FILIP1L: variants seen among roughly 807,000 people sequenced by gnomAD.
The protein encoded by FILIP1L is filamin A-interacting protein 1-like.
Under a neutral mutation model 96.6 loss-of-function variants are expected in FILIP1L, and 55 were observed. That is an observed-to-expected ratio of 0.57 (90% CI 0.46 to 0.71). The LOEUF is 0.71. Ranked by LOEUF, FILIP1L falls within the 30% of genes least tolerant of loss-of-function variation. The pLI is 0.00. For missense variants in FILIP1L, 1,304 were observed against 1,321.2 expected (o/e 0.99, Z 0.20); for synonymous variants, 467 against 473.9 (o/e 0.99, Z 0.19).
intron 1 of FILIP1L, among the ~76,000 whole-genome samples, chr3:100,052,314 C>T (rs868857584): frequency 3.3e-4 from 50 of 152,190 alleles, no homozygotes; most frequent in African/African-American, 1.1e-3. Flanking sequence ...GAGCAATAAC[C>T]TTCTTATTGA....
chr3:100,111,776 T>C (rs2066495339), intron 1 of FILIP1L, among the ~76,000 whole-genome samples: 1 of 152,218 alleles, frequency 6.6e-6, no homozygotes, highest in Admixed American at 6.5e-5. Context: ...TTGTCTAACA[T>C]CTATAGCTTG....
rs149723953 is a variant in FILIP1L at position 99,993,087 on chromosome 3, G to T, written c.-10-62057C>A. The stretch of plus-strand genomic sequence containing the variant: ...TATAGTCTTGTATAATTTGAGTAAG[G>T]TAATGTGATACCTCCAGCTTTGTTC... On this transcript the variant is annotated intron_variant, in intron 1 of 5. Transcript: ENST00000477258. Among the ~76,000 whole-genome samples the T allele has an allele frequency of 7.2e-3, 1,092 of 152,070 alleles. 4 individuals are homozygous for T. Among genetic ancestry groups the T allele is most frequent in the African/African-American group, 9.9e-3 (412 of 41,512 alleles).
intron 4 of FILIP1L, among the ~76,000 whole-genome samples, chr3:99,900,467 C>A (rs536980339): frequency 6.6e-6 from 1 of 152,278 alleles, no homozygotes; most frequent in East Asian, 1.9e-4. Flanking sequence ...TCATAAATAA[C>A]CAGATTTCAG....
chr3:100,060,161 C>A (rs1451265807), intron 1 of FILIP1L, among the ~76,000 whole-genome samples: 4 of 151,918 alleles, frequency 2.6e-5, no homozygotes, highest in Non-Finnish European at 5.9e-5. Context: ...GGCTACGGTG[C>A]CAGACTGAAG....
At chr3:99,872,299 G>A (rs930016426) in intron 4 of FILIP1L, among the ~76,000 whole-genome samples, 1 of 151,290 alleles carries the variant, frequency 6.6e-6, no homozygotes, top group Non-Finnish European at 1.5e-5. Flanking sequence ...GTGTGTGTGT[G>A]TGTGTGTGTG....
At chr3:99,841,383 C>T (rs1943124110) in intron 5 of FILIP1L, among the ~76,000 whole-genome samples, 1 of 152,178 alleles carries the variant, frequency 6.6e-6, no homozygotes, top group Admixed American at 6.5e-5. Context: ...AACCAACCAC[C>T]TTTGCCTTTT....
At chr3:100,033,455 T>G (rs968741606) in intron 1 of FILIP1L, among the ~76,000 whole-genome samples, 1 of 152,204 alleles carries the variant, frequency 6.6e-6, no homozygotes, top group Admixed American at 6.5e-5. Context: ...TGTTATCTTC[T>G]TGAAGGTCTT....
At chr3:99,959,986 GC>G (rs752877824) in intron 1 of FILIP1L, among the ~76,000 whole-genome samples, 10 of 152,104 alleles carry the variant, frequency 6.6e-5, no homozygotes, top group Non-Finnish European at 1.3e-4. Context: ...TGGGAGTTAG[GC>G]CTAGCTGTTC....
chr3:99,936,705 G>A (rs577058177), intron 1 of FILIP1L, among the ~76,000 whole-genome samples: 1 of 150,424 alleles, frequency 6.6e-6, no homozygotes, highest in African/African-American at 2.5e-5. Flanking sequence ...CTTGCCAAAG[G>A]TCACACTGCT....
chr3:100,061,159 AAAGG>A (rs1375465328), intron 1 of FILIP1L, among the ~76,000 whole-genome samples: 2 of 152,238 alleles, frequency 1.3e-5, no homozygotes, highest in Non-Finnish European at 1.5e-5. Context: ...AAAAATTTTA[AAAGG>A]AAGGAAGGGT....
At chr3:99,886,227 G>A (rs1705891171) in intron 4 of FILIP1L, among the ~76,000 whole-genome samples, 1 of 132,540 alleles carries the variant, frequency 7.5e-6, no homozygotes, top group Non-Finnish European at 1.6e-5. Context: ...TTATCACTAT[G>A]CTGAGTTCCT....
Position 99,850,405 on chromosome 3 carries a change from A to T in FILIP1L, c.1271T>A (p.Ile424Asn), listed in dbSNP as rs760419965. 1.2e-6 allele frequency: 2 copies of T among 1,613,796 alleles called. No individual in the cohort carries two copies. Among genetic ancestry groups the T allele is most frequent in the Non-Finnish European group, 1.7e-6 (2 of 1,179,946 alleles). The change falls in exon 5 of 6, where the codon ATT (isoleucine) becomes AAT (asparagine). Residue 424 changes from isoleucine (I) to asparagine (N), a missense_variant. Coordinates refer to ENST00000477258, the MANE Select transcript of FILIP1L (RefSeq NM_001387850.1). ...KLEVEKLSKR[I>N]MALEKLEDAF... ...GTCTTCTAACTTTTCCAGAGCCATA[A>T]TTCTTTTACTGAGTTTTTCAACCTC...
chr3:99,867,517 A>G (rs1243349426), intron 4 of FILIP1L, among the ~76,000 whole-genome samples: 1 of 152,214 alleles, frequency 6.6e-6, no homozygotes, highest in African/African-American at 2.4e-5. Flanking sequence ...CCAGGTATTA[A>G]ACAATTGAAA....
At chr3:99,838,633 C>T (rs1942994963) in intron 5 of FILIP1L, among the ~76,000 whole-genome samples, 1 of 152,106 alleles carries the variant, frequency 6.6e-6, no homozygotes, top group South Asian at 2.1e-4. Flanking sequence ...ATTTAAAACC[C>T]CTTGCAACTC....
chr3:100,019,656 CA>C (rs1337365643), intron 1 of FILIP1L, among the ~76,000 whole-genome samples: 1 of 151,880 alleles, frequency 6.6e-6, no homozygotes, highest in Non-Finnish European at 1.5e-5. Context: ...ACTGTCTTTC[CA>C]TTCCTTTTCT....
intron 1 of FILIP1L, among the ~76,000 whole-genome samples, chr3:99,994,916 C>CATGGGA (rs1370076844): frequency 1.3e-5 from 2 of 152,150 alleles, no homozygotes; most frequent in Non-Finnish European, 2.9e-5. Flanking sequence ...TCCCACAACA[C>CATGGGA]ATGGGAATTA....
In FILIP1L at chr3:99,849,816, T is replaced by G; in HGVS notation, c.1860A>C (p.Gln620His). 1 of 1,612,696 alleles carries G rather than the reference T, an allele frequency of 6.2e-7. No homozygotes were observed. The highest frequency in any genetic ancestry group is 2.2e-5 in the East Asian group (1 of 44,864). ...AGAGCTCCTTAATCTTATTGTTTTC[T>G]TGGTGTAATGCTGTTGTGGATTTCC... ...DSGKSTTALH[Q>H]ENNKIKELSQ... The change falls in exon 5 of 6, where the codon CAA (glutamine) becomes CAC (histidine). Residue 620 changes from glutamine (Q) to histidine (H), a missense_variant. Physicochemically the swap from Gln to His is conservative, Grantham distance 24. Transcript: ENST00000477258.
At chr3:99,894,842 C>T (rs1024763768) in intron 4 of FILIP1L, among the ~76,000 whole-genome samples, 7 of 152,130 alleles carry the variant, frequency 4.6e-5, no homozygotes, top group Non-Finnish European at 7.4e-5. Flanking sequence ...TATTACAGTA[C>T]GGAGTAGAGA....
chr3:99,833,671 AAGC>A (rs1942779393), intron 5 of FILIP1L, among the ~76,000 whole-genome samples: 1 of 152,228 alleles, frequency 6.6e-6, no homozygotes. Context: ...TTGTGTAAGA[AAGC>A]AGTGTTTTCT....
Sources: gnomAD v4.1 joint callset for allele counts (sites outside exome capture counted in the v4.1 genomes callset) on GRCh38, gnomAD v4.1.1 for gene constraint, MANE v1.5 for transcripts, NCBI Gene and HGNC (gene_info 2026-07-23, HGNC 2026-07-21) for gene names.